TMEM132D: variants seen among roughly 807,000 people sequenced by gnomAD.
TMEM132D encodes transmembrane protein 132D.
Under a neutral mutation model 62.3 loss-of-function variants are expected in TMEM132D, and 21 were observed. That is an observed-to-expected ratio of 0.34 (90% CI 0.24 to 0.49). The LOEUF is 0.49. Ranked by LOEUF, TMEM132D falls within the 20% of genes least tolerant of loss-of-function variation. TMEM132D has a pLI of 0.99. For missense variants in TMEM132D, 1,346 were observed against 1,402.8 expected, an observed-to-expected ratio of 0.96 and a Z score of 0.65; for synonymous variants, 621 against 575.6, an observed-to-expected ratio of 1.08 and a Z score of -1.13.
chr12:129,728,768 G>A (rs1006068133), intron 1 of TMEM132D, among the ~76,000 whole-genome samples: 3 of 152,286 alleles, frequency 2.0e-5, no homozygotes, highest in Non-Finnish European at 4.4e-5. Flanking sequence ...CGCAGCCCTG[G>A]TTCTTGGCCA....
intron 3 of TMEM132D, among the ~76,000 whole-genome samples, chr12:129,376,502 G>T (rs1469731937): frequency 6.6e-6 from 1 of 152,118 alleles, no homozygotes; most frequent in African/African-American, 2.4e-5. Context: ...TACCTCTCAC[G>T]ACACACGGGG....
chr12:129,703,641 T>C (rs915314864), intron 1 of TMEM132D, among the ~76,000 whole-genome samples: 1 of 152,184 alleles, frequency 6.6e-6, no homozygotes. Flanking sequence ...AAAGAAGCTA[T>C]ACACAGTAAA....
intron 4 of TMEM132D, among the ~76,000 whole-genome samples, chr12:129,293,483 G>A (rs998401951): frequency 8.8e-4 from 134 of 152,196 alleles, no homozygotes; most frequent in African/African-American, 3.1e-3. Context: ...GTTTTGGGAT[G>A]ATTCAAGTGC....
At chr12:129,364,327 A>G (rs1870339150) in intron 3 of TMEM132D, among the ~76,000 whole-genome samples, 1 of 152,214 alleles carries the variant, frequency 6.6e-6, no homozygotes, top group Non-Finnish European at 1.5e-5. Flanking sequence ...TACACTGAAC[A>G]ACTCTAGGTG....
intron 2 of TMEM132D, among the ~76,000 whole-genome samples, chr12:129,680,673 C>A (rs895790146): frequency 6.7e-4 from 102 of 152,154 alleles, no homozygotes; most frequent in African/African-American, 2.4e-3. Flanking sequence ...TCCCAGATAA[C>A]TGACAAGAAG....
intron 3 of TMEM132D, among the ~76,000 whole-genome samples, chr12:129,391,787 C>T (rs181991585): frequency 1.3e-5 from 2 of 152,226 alleles, no homozygotes; most frequent in South Asian, 2.1e-4. Flanking sequence ...GATAGAGTCT[C>T]GTTCTGTTGT....
chr12:129,827,916 A>G lies in TMEM132D; in HGVS notation c.79+75345T>C, dbSNP rs1593177744. Among the ~76,000 whole-genome samples the G allele has an allele frequency of 1.3e-5, 2 of 152,196 alleles. No individual in the cohort carries two copies. The highest frequency in any genetic ancestry group is 1.9e-4 in the East Asian group (1 of 5,194). The stretch of plus-strand genomic sequence containing the variant: ...CATAATCTTCCTAAAGAAATGGGCC[A>G]CATGTTTGTTTATATTAATGTTAAT... On this transcript the variant is annotated intron_variant, in intron 1 of 8. Transcript: ENST00000422113. The surrounding 1 kb of genome is among the most constrained non-coding windows in gnomAD (Gnocchi z 9.7).
chr12:129,552,023 C>CT (rs1051957006), intron 2 of TMEM132D, among the ~76,000 whole-genome samples: 2 of 152,166 alleles, frequency 1.3e-5, no homozygotes, highest in Admixed American at 6.5e-5. Flanking sequence ...AGGGAAGGGT[C>CT]TCTCTTGCTC....
Position 129,531,120 on chromosome 12 carries a change from T to C in TMEM132D, c.1054A>G (p.Thr352Ala). The change falls in exon 3 of 9, where the codon ACT (threonine) becomes GCT (alanine). Residue 352 changes from threonine to alanine, a missense_variant. Physicochemically the swap from Thr to Ala is moderately conservative, Grantham distance 58. Transcript: ENST00000422113. ...ATGACAGCTGGTGCATACTTTCCAG[T>C]ATAATCCGTGCGCTCCTTGACATCC... ...IWDVKERTDYTGKYAPAVIVC... is the reference protein window; with the variant it reads ...IWDVKERTDYAGKYAPAVIVC... 1 of 1,614,050 alleles carries C rather than the reference T, an allele frequency of 6.2e-7. No individual in the cohort carries two copies. Among genetic ancestry groups the C allele is most frequent in the Non-Finnish European group, 8.5e-7 (1 of 1,179,962 alleles).
At chr12:129,507,838 G>C (rs1403255033) in intron 3 of TMEM132D, among the ~76,000 whole-genome samples, 1 of 152,076 alleles carries the variant, frequency 6.6e-6, no homozygotes, top group East Asian at 1.9e-4. Context: ...AACACCACCT[G>C]TTCCCCAATA....
rs956567511 is a variant in TMEM132D, at chr12:129,072,558, A to C, written c.*1317T>G. On this transcript the variant is annotated 3_prime_UTR_variant, in exon 9 of 9. Coordinates refer to ENST00000422113, the MANE Select transcript of TMEM132D (RefSeq NM_133448.3). ...CAAGTGCTTGCAAACCTGCATCTTC[A>C]CCACATGCACTGATGCCCCTTATCC... is the stretch of plus-strand genomic sequence containing the variant. 2.6e-5 allele frequency: 4 copies of C among 152,274 alleles called. No individual in the cohort carries two copies. The South Asian group carries it at 6.2e-4, about 24-fold the overall frequency. 9.4% of individuals were successfully genotyped at this position (152,274 alleles called of 1,614,324 possible).
rs77337974 is a variant in TMEM132D at position 129,344,892 on chromosome 12, T to C, written c.1116-7075A>G. On this transcript the variant is annotated intron_variant, in intron 3 of 8. Transcript: ENST00000422113. ...CCGTCTCTAAAATTGCTGATTGAGATTTGGTATTTAACAGCTATGAGCAGT... is the reference window on the plus strand; with the variant it reads ...CCGTCTCTAAAATTGCTGATTGAGACTTGGTATTTAACAGCTATGAGCAGT... 9.6e-3 allele frequency among the ~76,000 whole-genome samples: 1,463 copies of C among 152,052 alleles called. 27 individuals are homozygous for C. The highest frequency in any genetic ancestry group is 0.034 in the African/African-American group (1,395 of 41,490).
intron 1 of TMEM132D, among the ~76,000 whole-genome samples, chr12:129,896,955 T>C (rs1430663378): frequency 4.6e-5 from 7 of 152,210 alleles, no homozygotes; most frequent in Non-Finnish European, 1.0e-4. Context: ...ACAGGTTTGT[T>C]TACTTTCAAG....
intron 3 of TMEM132D, among the ~76,000 whole-genome samples, chr12:129,435,118 G>A (rs1200472302): frequency 6.6e-6 from 1 of 152,108 alleles, no homozygotes; most frequent in Non-Finnish European, 1.5e-5. Flanking sequence ...CAATGTCTAG[G>A]TTTTTCCATG....
At chr12:129,844,858 G>A (rs1416592269) in intron 1 of TMEM132D, among the ~76,000 whole-genome samples, 1 of 152,096 alleles carries the variant, frequency 6.6e-6, no homozygotes, top group Non-Finnish European at 1.5e-5. Flanking sequence ...AGTGGTGGAG[G>A]TCACACTAAG....
At position 129,073,047 on chromosome 12, in the gene TMEM132D, G is replaced by A. The variant is rs1239733827; in HGVS notation, c.*828C>T. The A allele has an allele frequency of 6.6e-6, 1 of 152,200 alleles. No individual in the cohort carries two copies. Among genetic ancestry groups the A allele is most frequent in the Non-Finnish European group, 1.5e-5 (1 of 68,044 alleles). The allele number at this position is 152,200 out of a possible 1,614,324, so 9.4% of individuals were successfully genotyped here. On this transcript the variant is annotated 3_prime_UTR_variant, in exon 9 of 9. Coordinates refer to ENST00000422113, the MANE Select transcript of TMEM132D (RefSeq NM_133448.3). ...CCACCCACAGGTGACCAACGGCTTT[G>A]GGGAGGATGGCAATGCAGTGGAGGA...
intron 4 of TMEM132D, among the ~76,000 whole-genome samples, chr12:129,308,218 C>T (rs1268539138): frequency 6.6e-6 from 1 of 152,172 alleles, no homozygotes; most frequent in Non-Finnish European, 1.5e-5. Flanking sequence ...CTGTTTGATA[C>T]CTGCAATTTT....
At chr12:129,688,630 G>T (rs1345461110) in intron 2 of TMEM132D, among the ~76,000 whole-genome samples, 1 of 151,960 alleles carries the variant, frequency 6.6e-6, no homozygotes, top group Admixed American at 6.6e-5. Flanking sequence ...GAAAGTAGGT[G>T]GGGTGGAATT....
chr12:129,145,378 C>G (rs572522182), intron 5 of TMEM132D, among the ~76,000 whole-genome samples: 23 of 152,066 alleles, frequency 1.5e-4, no homozygotes, highest in Non-Finnish European at 2.5e-4. Context: ...TTCAGGGATG[C>G]GTTTCAAGGG....
Sources: gnomAD v4.1 joint callset for allele counts (sites outside exome capture counted in the v4.1 genomes callset) on GRCh38, gnomAD v4.1.1 for gene constraint, Gnocchi (gnomAD v3.1) non-coding constraint, MANE v1.5 for transcripts, NCBI Gene and HGNC (gene_info 2026-07-23, HGNC 2026-07-21) for gene names.